Variants in MECOM observed in about 807,000 individuals in gnomAD.
The protein encoded by MECOM is histone-lysine N-methyltransferase MECOM.
A neutral mutation model predicts 116.3 loss-of-function variants in MECOM; 13 were observed. The ratio of observed to expected loss-of-function variants is 0.11; its 90% confidence interval spans 0.07 to 0.18. MECOM has a LOEUF of 0.18. MECOM is among the 10% of genes least tolerant of loss of function. The pLI is 1.00. For missense variants in MECOM, 1,299 were observed against 1,509.0 expected (o/e 0.86, Z 2.31); for synonymous variants, 528 against 535.2 (o/e 0.99, Z 0.19).
chr3:169,344,130 A>G (rs770464528), intron 2 of MECOM, among the ~76,000 whole-genome samples: 11 of 152,174 alleles, frequency 7.2e-5, no homozygotes, highest in Non-Finnish European at 1.2e-4. Context: ...GGAAAATACT[A>G]CATTTTGGTA....
chr3:169,505,157 C>A (rs995561948), intron 1 of MECOM, among the ~76,000 whole-genome samples: 3 of 152,144 alleles, frequency 2.0e-5, no homozygotes, highest in African/African-American at 7.2e-5. Context: ...TATACTAGAT[C>A]TGGTAATAAG....
chr3:169,494,296 T>G (rs1753548374), intron 1 of MECOM, among the ~76,000 whole-genome samples: 1 of 152,100 alleles, frequency 6.6e-6, no homozygotes, highest in African/African-American at 2.4e-5. Flanking sequence ...AACTTATTGG[T>G]AAAACTAACA....
intron 1 of MECOM, among the ~76,000 whole-genome samples, chr3:169,590,020 C>T (rs1766221081): frequency 1.3e-5 from 2 of 152,168 alleles, no homozygotes; most frequent in Non-Finnish European, 2.9e-5. Context: ...CATCTTTGGA[C>T]TCAGAACTAT....
chr3:169,410,596 C>T lies in MECOM; in HGVS notation c.38-29072G>A, dbSNP rs565958235. On this transcript the variant is annotated intron_variant, in intron 1 of 16. Coordinates refer to ENST00000651503, the MANE Select transcript of MECOM (RefSeq NM_004991.4). ...AATACTTGTTATCAGAGAAGAAAAGCGCTAGACAAATAGGAAACATCATTT... is the reference window on the plus strand; with the variant it reads ...AATACTTGTTATCAGAGAAGAAAAGTGCTAGACAAATAGGAAACATCATTT... Among the ~76,000 whole-genome samples the T allele has an allele frequency of 1.1e-4, 17 of 152,198 alleles. No homozygotes were observed. The South Asian group carries it at 2.9e-3, about 26-fold the overall frequency.
At chr3:169,146,629 C>T in intron 2 of MECOM, 1 of 1,366,946 alleles carries the variant, frequency 7.3e-7, no homozygotes, top group South Asian at 1.1e-5. Context: ...GGGGGGCGCC[C>T]GTAGAAACGG....
At chr3:169,432,897 A>T (rs1336305115) in intron 1 of MECOM, among the ~76,000 whole-genome samples, 2 of 152,208 alleles carry the variant, frequency 1.3e-5, no homozygotes, top group Non-Finnish European at 2.9e-5. Context: ...CTCAGGCTTA[A>T]TTAAATAAAG....
intron 2 of MECOM, among the ~76,000 whole-genome samples, chr3:169,215,863 A>G (rs1439134298): frequency 6.6e-6 from 1 of 152,214 alleles, no homozygotes; most frequent in Non-Finnish European, 1.5e-5. Context: ...TGTCAGTTCC[A>G]AGGCTGGCAT....
intron 2 of MECOM, among the ~76,000 whole-genome samples, chr3:169,201,542 G>A (rs894430609): frequency 6.6e-6 from 1 of 152,064 alleles, no homozygotes; most frequent in African/African-American, 2.4e-5. Flanking sequence ...TTTTAAAAAG[G>A]AAGAGGGTTC....
chr3:169,245,841 T>C (rs1322089403), intron 2 of MECOM, among the ~76,000 whole-genome samples: 1 of 152,214 alleles, frequency 6.6e-6, no homozygotes, highest in Non-Finnish European at 1.5e-5. Context: ...TCGCTATTCA[T>C]TACTGAGAGT....
At chr3:169,118,125 G>C (rs927736423) in intron 7 of MECOM, among the ~76,000 whole-genome samples, 2 of 151,988 alleles carry the variant, frequency 1.3e-5, no homozygotes, top group Non-Finnish European at 2.9e-5. Flanking sequence ...ATGTCAAGGA[G>C]ATTTTATAGA....
intron 1 of MECOM, among the ~76,000 whole-genome samples, chr3:169,570,829 G>A (rs975641188): frequency 1.3e-5 from 2 of 152,094 alleles, no homozygotes; most frequent in Admixed American, 6.5e-5. Context: ...GGTATTGATG[G>A]AACGTATCTA....
intron 2 of MECOM, among the ~76,000 whole-genome samples, chr3:169,186,698 T>G (rs55730758): frequency 0.1 from 15,565 of 152,138 alleles, 962 homozygotes; most frequent in Non-Finnish European, 0.14. Flanking sequence ...AATGACTATG[T>G]TAAAAATCTG....
At chr3:169,548,403 G>A (rs1028422100) in intron 1 of MECOM, among the ~76,000 whole-genome samples, 2 of 152,130 alleles carry the variant, frequency 1.3e-5, no homozygotes, top group African/African-American at 2.4e-5. Flanking sequence ...GTAAAGAAAA[G>A]CAGCAGTCAT....
chr3:169,127,789 C>G, intron 5 of MECOM, 55 bp downstream of exon 5: 1 of 1,509,398 alleles, frequency 6.6e-7, no homozygotes, highest in South Asian at 1.1e-5. Flanking sequence ...CAAAATTCAG[C>G]ATAACATTGC....
intron 2 of MECOM, among the ~76,000 whole-genome samples, chr3:169,175,717 G>T (rs759899937): frequency 6.6e-6 from 1 of 152,078 alleles, no homozygotes; most frequent in Non-Finnish European, 1.5e-5. Flanking sequence ...CAGACCCGTC[G>T]CACAATGTTT....
intron 2 of MECOM, among the ~76,000 whole-genome samples, chr3:169,275,058 C>T (rs1038169931): frequency 1.3e-5 from 2 of 152,124 alleles, no homozygotes; most frequent in African/African-American, 4.8e-5. Flanking sequence ...GGCTAGGTAG[C>T]AAAGTTTCTA....
At chr3:169,598,938 A>C (rs909097211) in intron 1 of MECOM, among the ~76,000 whole-genome samples, 2 of 152,198 alleles carry the variant, frequency 1.3e-5, no homozygotes, top group African/African-American at 4.8e-5. Flanking sequence ...CTGTGACCTT[A>C]ATGAATATGA....
At chr3:169,453,001 A>G (rs1203330889) in intron 1 of MECOM, among the ~76,000 whole-genome samples, 1 of 152,228 alleles carries the variant, frequency 6.6e-6, no homozygotes, top group Non-Finnish European at 1.5e-5. Context: ...AAATGCAAAC[A>G]AATATATTTC....
At chr3:169,138,545 G>GC (rs2149256248) in intron 3 of MECOM, among the ~76,000 whole-genome samples, 1 of 152,268 alleles carries the variant, frequency 6.6e-6, no homozygotes, top group South Asian at 2.1e-4. Flanking sequence ...TCTGGGTATT[G>GC]CCAGCTGGCA....
Sources: gnomAD v4.1 joint callset for allele counts (sites outside exome capture counted in the v4.1 genomes callset) on GRCh38, gnomAD v4.1.1 for gene constraint, MANE v1.5 for transcripts, NCBI Gene and HGNC (gene_info 2026-07-23, HGNC 2026-07-21) for gene names.